TAFA2: variants seen among roughly 807,000 people sequenced by gnomAD.
TAFA2 encodes the protein TAFA chemokine like family member 2, also known as chemokine-like protein TAFA-2.
In TAFA2, 7 loss-of-function variants were observed where a neutral mutation model predicts 18.8. The observed-to-expected ratio is 0.37, with a 90% CI of 0.21 to 0.70. The LOEUF (loss-of-function observed/expected upper bound fraction) is 0.70, where lower values mean the gene tolerates loss of function less well. Ranked by LOEUF, TAFA2 falls within the 30% of genes least tolerant of loss-of-function variation. TAFA2 has a pLI of 0.53. For synonymous variants in TAFA2, 60 were observed against 54.2 expected, an observed-to-expected ratio of 1.11 and a Z score of -0.47; for missense variants, 122 against 158.1, an observed-to-expected ratio of 0.77 and a Z score of 1.23.
At chr12:61,901,834 T>C (rs574882392) in intron 1 of TAFA2, among the ~76,000 whole-genome samples, 14 of 152,188 alleles carry the variant, frequency 9.2e-5, no homozygotes, top group Non-Finnish European at 2.1e-4. Flanking sequence ...CAAATAGATA[T>C]ACATCCTGCC....
At chr12:61,770,029 T>G (rs1302338326) in intron 2 of TAFA2, among the ~76,000 whole-genome samples, 1 of 151,770 alleles carries the variant, frequency 6.6e-6, no homozygotes, top group East Asian at 2.0e-4. Flanking sequence ...TAAAGAAATA[T>G]ATGGCATAAA....
chr12:62,083,043 A>G (rs1228092052), intron 1 of TAFA2, among the ~76,000 whole-genome samples: 1 of 152,132 alleles, frequency 6.6e-6, no homozygotes, highest in Non-Finnish European at 1.5e-5. Flanking sequence ...AGTAAAAGCC[A>G]AGATCTAAAT....
chr12:62,082,181 A>G (rs1330956599), intron 1 of TAFA2, among the ~76,000 whole-genome samples: 1 of 152,094 alleles, frequency 6.6e-6, no homozygotes, highest in East Asian at 1.9e-4. Flanking sequence ...ATTTTCTTTT[A>G]TCCAGACTAT....
chr12:62,095,231 C>T (rs979722672), intron 1 of TAFA2, among the ~76,000 whole-genome samples: 6 of 152,114 alleles, frequency 3.9e-5, no homozygotes, highest in African/African-American at 9.7e-5. Context: ...GGTCTTTGAG[C>T]ATCAGGCACT....
At chr12:61,866,906 AT>A (rs199725065) in intron 2 of TAFA2, among the ~76,000 whole-genome samples, 2,702 of 150,534 alleles carry the variant, frequency 0.018, 30 homozygotes, top group Middle Eastern at 0.058. Context: ...TTATTTTTTT[AT>A]TTTTTTTTCC....
chr12:62,056,195 G>T (rs751608918), intron 1 of TAFA2, among the ~76,000 whole-genome samples: 1 of 152,044 alleles, frequency 6.6e-6, no homozygotes, highest in Non-Finnish European at 1.5e-5. Context: ...TATGAGGGGG[G>T]TGGTGAATAT....
At chr12:61,753,575 T>C in intron 4 of TAFA2, 47 bp downstream of exon 4, 1 of 1,583,174 alleles carries the variant, frequency 6.3e-7, no homozygotes, top group Non-Finnish European at 8.6e-7. Flanking sequence ...CTCCGTTCTC[T>C]ATTAATTCAG....
chr12:62,166,647 T>G (rs947889302), intron 1 of TAFA2, among the ~76,000 whole-genome samples: 2 of 152,234 alleles, frequency 1.3e-5, no homozygotes, highest in African/African-American at 4.8e-5. Context: ...AAAGAACTAC[T>G]CTGGCAATTG....
In TAFA2 at chr12:61,709,688, A is replaced by T. The variant is rs2120525836; in HGVS notation, c.*718T>A. 6.6e-6 allele frequency: 1 copy of T among 152,222 alleles called. No homozygotes were observed. The highest frequency in any genetic ancestry group is 6.6e-5 in the Admixed American group (1 of 15,260). The allele number at this position is 152,222 out of a possible 1,614,324, so 9.4% of individuals were successfully genotyped here. A position where few individuals can be genotyped will look rare whatever the true frequency, so the allele number is the denominator to read the frequency against. On this transcript the variant is annotated 3_prime_UTR_variant, in exon 5 of 5. Coordinates refer to ENST00000416284, the MANE Select transcript of TAFA2 (RefSeq NM_178539.5). ...TAATGAAAATGGCAATCCAGTTCTA[A>T]CTACTACCTATTTGACAAAGAGCTT...
At chr12:61,739,422 C>A (rs1592356716) in intron 4 of TAFA2, among the ~76,000 whole-genome samples, 1 of 152,160 alleles carries the variant, frequency 6.6e-6, no homozygotes, top group East Asian at 1.9e-4. Context: ...GAGACATCAA[C>A]AGTACTACAG....
intron 2 of TAFA2, among the ~76,000 whole-genome samples, chr12:61,799,782 A>G (rs1050693483): frequency 1.1e-4 from 16 of 152,166 alleles, no homozygotes; most frequent in Non-Finnish European, 1.5e-4. Context: ...AGATTGCGCC[A>G]CTGCACTCCA....
intron 2 of TAFA2, among the ~76,000 whole-genome samples, chr12:61,781,238 G>A (rs1870489743): frequency 6.6e-6 from 1 of 151,650 alleles, no homozygotes; most frequent in Admixed American, 6.6e-5. Flanking sequence ...GGATAGAAGA[G>A]CCAGGAGAGG....
intron 1 of TAFA2, among the ~76,000 whole-genome samples, chr12:62,124,878 C>A (rs991944388): frequency 6.6e-6 from 1 of 152,086 alleles, no homozygotes; most frequent in African/African-American, 2.4e-5. Context: ...TCAAATAATG[C>A]ACTGTTGTAA....
intron 1 of TAFA2, among the ~76,000 whole-genome samples, chr12:61,877,763 T>C (rs1874918785): frequency 1.3e-5 from 2 of 152,092 alleles, no homozygotes; most frequent in African/African-American, 4.8e-5. Context: ...TAACCAGTAA[T>C]CCCTGAGTTA....
At chr12:61,986,158 CT>C (rs551223452) in intron 1 of TAFA2, among the ~76,000 whole-genome samples, 748 of 65,750 alleles carry the variant, frequency 0.011, no homozygotes, top group African/African-American at 0.039. Context: ...CTAAGCTCTT[CT>C]TTTTTTTTTT....
At chr12:62,041,228 C>A (rs1881749077) in intron 1 of TAFA2, among the ~76,000 whole-genome samples, 1 of 152,048 alleles carries the variant, frequency 6.6e-6, no homozygotes, top group South Asian at 2.1e-4. Context: ...TCTTATCCAC[C>A]TTTCATCGGT....
chr12:62,163,781 T>C (rs1040626054), intron 1 of TAFA2, among the ~76,000 whole-genome samples: 60 of 152,124 alleles, frequency 3.9e-4, no homozygotes, highest in African/African-American at 1.4e-3. Context: ...CTCATTGGTT[T>C]ATCCTAACTG....
intron 1 of TAFA2, among the ~76,000 whole-genome samples, chr12:62,057,751 A>G (rs780084853): frequency 3.3e-5 from 5 of 152,172 alleles, no homozygotes; most frequent in Admixed American, 6.5e-5. Flanking sequence ...AATCCTTAAT[A>G]CTTCACACTC....
At chr12:61,830,744 T>C (rs921984616) in intron 2 of TAFA2, among the ~76,000 whole-genome samples, 1 of 152,086 alleles carries the variant, frequency 6.6e-6, no homozygotes, top group African/African-American at 2.4e-5. Flanking sequence ...CTTTGAGTAC[T>C]TGATATTGTA....
Sources: allele counts gnomAD v4.1 joint callset (sites outside exome capture counted in the v4.1 genomes callset), GRCh38; gene constraint gnomAD v4.1.1; transcripts MANE v1.5; gene names NCBI Gene and HGNC (gene_info 2026-07-23, HGNC 2026-07-21).